Variants in TRIM9 observed in about 807,000 individuals in gnomAD.
TRIM9 encodes the protein tripartite motif containing 9.
A neutral mutation model predicts 78.3 loss-of-function variants in TRIM9; 26 were observed. That is an observed-to-expected ratio of 0.33 (90% CI 0.24 to 0.46). The LOEUF (loss-of-function observed/expected upper bound fraction) is 0.46. TRIM9 is among the 20% of genes least tolerant of loss of function. The pLI is 1.00. For synonymous variants in TRIM9, 398 were observed against 416.5 expected (o/e 0.96, Z 0.54); for missense variants, 787 against 1,036.4 (o/e 0.76, Z 3.30).
intron 1 of TRIM9, among the ~76,000 whole-genome samples, chr14:51,071,007 C>A (rs2140232582): frequency 6.6e-6 from 1 of 151,940 alleles, no homozygotes; most frequent in East Asian, 1.9e-4. Context: ...TGTAAATGAT[C>A]CTGGAAAAAG....
At position 50,982,036 on chromosome 14, in the gene TRIM9, T is replaced by C; in HGVS notation, c.1926A>G (p.Thr642=). Reference sequence around the variant, plus strand: ...GGTCATCATAGCTACTACAGGTCACTGTCAGGTTGTCATTGGAGAGGATGA... The same window carrying C: ...GGTCATCATAGCTACTACAGGTCACCGTCAGGTTGTCATTGGAGAGGATGA... ...SDIILSNDNL[T]VTCSSYDDRV... is the part of the protein sequence containing the mutation. The change falls in exon 11 of 13, where the codon ACA becomes ACG. Residue 642 remains threonine (T), a synonymous_variant. Transcript: ENST00000684578. The C allele has an allele frequency of 6.2e-7, 1 of 1,614,156 alleles. No individual in the cohort carries two copies. The highest frequency in any genetic ancestry group is 1.3e-5 in the African/African-American group (1 of 75,020).
chr14:51,085,922 G>T (rs1395803176), intron 1 of TRIM9, among the ~76,000 whole-genome samples: 2 of 152,266 alleles, frequency 1.3e-5, no homozygotes, highest in South Asian at 2.1e-4. Flanking sequence ...TCTCTGTCAG[G>T]TAAGGTAATT....
intron 1 of TRIM9, among the ~76,000 whole-genome samples, chr14:51,078,677 T>G (rs74244447): frequency 0.12 from 18,134 of 152,200 alleles, 1,523 homozygotes; most frequent in Admixed American, 0.25. Context: ...TTTTAAAGTA[T>G]TACTTACGTG....
At chr14:51,031,176 A>AAAG (rs2058706480) in intron 1 of TRIM9, among the ~76,000 whole-genome samples, 1 of 150,664 alleles carries the variant, frequency 6.6e-6, no homozygotes, top group Non-Finnish European at 1.5e-5. Flanking sequence ...GAAAGAAAAG[A>AAAG]AAAGAAAGAA....
rs202140681 is a variant in TRIM9 at position 51,094,687 on chromosome 14, C to T, written c.253G>A (p.Ala85Thr). The T allele has an allele frequency of 7.9e-5, 125 of 1,573,288 alleles. 1 individual carries two copies. The East Asian group carries it at 2.5e-3, about 31-fold the overall frequency. ...TGGCACGGGGTAGTGGGGGCGCTGG[C>T]GAACCCCCCGTAGGAGCCATAGCCG... ...DSGYGSYGGF[A>T]SAPTTPCQKS... is the part of the protein sequence containing the mutation. The change falls in exon 1 of 13, where the codon GCC becomes ACC. Residue 85 changes from alanine to threonine, a missense_variant. Ala to Thr is a moderately conservative substitution (Grantham distance 58). Around this residue, in one of 3 missense-constraint regions of TRIM9, gnomAD observed 352 missense variants for 472.3 expected, o/e 0.75. Coordinates refer to ENST00000684578, the MANE Select transcript of TRIM9 (RefSeq NM_001387360.1).
At chr14:50,996,883 ACT>A in intron 7 of TRIM9, 1 of 985,398 alleles carries the variant, frequency 1.0e-6, no homozygotes, top group African/African-American at 1.7e-5. Flanking sequence ...TCCCCAAAGC[ACT>A]GTTTTCACGG....
intron 10 of TRIM9, 140 bp downstream of exon 10, chr14:50,982,802 C>A: frequency 2.7e-6 from 2 of 741,922 alleles, no homozygotes; most frequent in Non-Finnish European, 2.2e-6. Context: ...TCTTTGTACG[C>A]ATTGTTACGC....
chr14:50,978,495 C>T (rs925630588), intron 12 of TRIM9, among the ~76,000 whole-genome samples: 5 of 152,174 alleles, frequency 3.3e-5, no homozygotes, highest in African/African-American at 1.2e-4. Flanking sequence ...TGTGCACAGG[C>T]TGTTCCCTCT....
chr14:51,049,116 C>T (rs1008204088), intron 1 of TRIM9, among the ~76,000 whole-genome samples: 4 of 152,182 alleles, frequency 2.6e-5, no homozygotes, highest in African/African-American at 9.6e-5. Flanking sequence ...TGCTGGCATG[C>T]AGAAGCGCAG....
intron 1 of TRIM9, among the ~76,000 whole-genome samples, chr14:51,087,570 T>C (rs1350972885): frequency 6.6e-6 from 1 of 152,194 alleles, no homozygotes; most frequent in African/African-American, 2.4e-5. Context: ...GAATTAGATA[T>C]GCTGCTTAAC....
At position 51,094,305 on chromosome 14, in the gene TRIM9, G is replaced by A; in HGVS notation, c.635C>T (p.Pro212Leu). The A allele has an allele frequency of 1.2e-6, 2 of 1,613,540 alleles. No individual in the cohort carries two copies. Among genetic ancestry groups the A allele is most frequent in the Non-Finnish European group, 8.5e-7 (1 of 1,179,836 alleles). The change falls in exon 1 of 13, where the codon CCG (proline) becomes CTG (leucine). Residue 212 changes from proline (P) to leucine (L), a missense_variant. This residue lies in a region of TRIM9 where 352 missense variants were observed against 472.3 expected (regional missense o/e 0.75). Coordinates refer to ENST00000684578, the MANE Select transcript of TRIM9 (RefSeq NM_001387360.1). ...GPLAKHRLVP[P>L]AQGRVSRRLS... ...CCTCCGGCTCACACGACCCTGGGCC[G>A]GGGGCACCAGGCGGTGCTTGGCTAG...
At chr14:51,085,626 T>G (rs1171698937) in intron 1 of TRIM9, among the ~76,000 whole-genome samples, 1 of 152,246 alleles carries the variant, frequency 6.6e-6, no homozygotes, top group Non-Finnish European at 1.5e-5. Flanking sequence ...GCTTACAGAT[T>G]TAAACATGTT....
intron 1 of TRIM9, among the ~76,000 whole-genome samples, chr14:51,039,707 C>T (rs953585060): frequency 5.3e-5 from 8 of 151,790 alleles, no homozygotes; most frequent in Admixed American, 3.9e-4. Context: ...TATGTAACTG[C>T]AAACCTCAGA....
intron 1 of TRIM9, among the ~76,000 whole-genome samples, chr14:51,040,737 G>A (rs1265117437): frequency 6.6e-6 from 1 of 152,158 alleles, no homozygotes; most frequent in Non-Finnish European, 1.5e-5. Context: ...TTTGAGAAGC[G>A]TGTGAACCTT....
chr14:51,083,012 T>C (rs527476536), intron 1 of TRIM9, among the ~76,000 whole-genome samples: 1 of 152,316 alleles, frequency 6.6e-6, no homozygotes, highest in East Asian at 1.9e-4. Context: ...AAAATGAGAA[T>C]AGTAATGGTT....
intron 1 of TRIM9, among the ~76,000 whole-genome samples, chr14:51,061,611 C>T (rs1470354678): frequency 1.3e-5 from 2 of 152,038 alleles, no homozygotes; most frequent in East Asian, 1.9e-4. Context: ...AAAATATATT[C>T]CCCTATATTT....
intron 7 of TRIM9, among the ~76,000 whole-genome samples, chr14:50,987,838 G>A (rs2052924001): frequency 6.6e-6 from 1 of 152,086 alleles, no homozygotes; most frequent in Non-Finnish European, 1.5e-5. Flanking sequence ...GTCTCACTCT[G>A]TTGCCCAGGC....
intron 1 of TRIM9, among the ~76,000 whole-genome samples, chr14:51,076,622 G>A (rs564447031): frequency 1.3e-5 from 2 of 152,118 alleles, no homozygotes; most frequent in African/African-American, 4.8e-5. Flanking sequence ...AATTACTAGC[G>A]CCATTTAACA....
At chr14:50,995,772 A>C (rs2054134812) in intron 7 of TRIM9, among the ~76,000 whole-genome samples, 1 of 149,990 alleles carries the variant, frequency 6.7e-6, no homozygotes, top group Admixed American at 6.7e-5. Context: ...ATACCAGCAA[A>C]GAAAAAAAAA....
Sources: allele counts gnomAD v4.1 joint callset (sites outside exome capture counted in the v4.1 genomes callset), GRCh38; gene constraint gnomAD v4.1.1; regional missense constraint gnomAD v4.1.1; transcripts MANE v1.5; gene names NCBI Gene and HGNC (gene_info 2026-07-23, HGNC 2026-07-21).